The following MAML3 variants were observed in gnomAD, a reference collection of about 807,000 sequenced individuals.
MAML3 encodes the protein mastermind like transcriptional coactivator 3.
MAML3 carries 27 observed loss-of-function variants against 101.9 expected under a neutral mutation model. That is an observed-to-expected ratio of 0.27 (90% CI 0.20 to 0.37). The LOEUF (loss-of-function observed/expected upper bound fraction) is 0.37, where lower values mean the gene tolerates loss of function less well. Ranked by LOEUF, MAML3 falls within the 10% of genes least tolerant of loss-of-function variation. The pLI is 1.00. For missense variants in MAML3, 1,316 were observed against 1,444.9 expected (o/e 0.91, Z 1.45); for synonymous variants, 501 against 555.9 (o/e 0.90, Z 1.39).
At chr4:139,985,128 T>A (rs1255313407) in intron 1 of MAML3, among the ~76,000 whole-genome samples, 2 of 152,336 alleles carry the variant, frequency 1.3e-5, no homozygotes, top group South Asian at 2.1e-4. Context: ...TAGTAAGACA[T>A]CCTCAAAGAC....
chr4:139,976,359 G>A (rs1734339988), intron 1 of MAML3, among the ~76,000 whole-genome samples: 1 of 152,102 alleles, frequency 6.6e-6, no homozygotes. Context: ...TAAGCATCTT[G>A]GAAATGGAAA....
At chr4:140,106,026 T>C (rs994602804) in intron 1 of MAML3, among the ~76,000 whole-genome samples, 6 of 150,364 alleles carry the variant, frequency 4.0e-5, no homozygotes, top group African/African-American at 4.9e-5. Context: ...CACTCTGCAT[T>C]ATGCTATACA....
At chr4:140,149,615 C>T (rs1402500815) in intron 1 of MAML3, among the ~76,000 whole-genome samples, 1 of 152,154 alleles carries the variant, frequency 6.6e-6, no homozygotes, top group Non-Finnish European at 1.5e-5. Context: ...GTAAACAATA[C>T]CAATGAAACA....
At chr4:139,868,443 G>T (rs147767257) in intron 2 of MAML3, among the ~76,000 whole-genome samples, 207 of 152,266 alleles carry the variant, frequency 1.4e-3, no homozygotes, top group African/African-American at 4.6e-3. Flanking sequence ...CTCTTTGAAA[G>T]ATCATAACAT....
At chr4:139,982,204 T>C (rs1734456655) in intron 1 of MAML3, among the ~76,000 whole-genome samples, 1 of 152,258 alleles carries the variant, frequency 6.6e-6, no homozygotes, top group South Asian at 2.1e-4. Flanking sequence ...GATGTTTACT[T>C]TATACTTTCA....
chr4:139,942,456 A>G (rs1315449381), intron 1 of MAML3, among the ~76,000 whole-genome samples: 1 of 152,148 alleles, frequency 6.6e-6, no homozygotes, highest in Non-Finnish European at 1.5e-5. Context: ...CTCTGTGATT[A>G]ATGTGGACAT....
intron 1 of MAML3, among the ~76,000 whole-genome samples, chr4:140,133,644 T>C (rs1728833914): frequency 6.6e-6 from 1 of 152,220 alleles, no homozygotes; most frequent in African/African-American, 2.4e-5. Flanking sequence ...TATTTCCTAA[T>C]AGTCTGTAAA....
intron 1 of MAML3, among the ~76,000 whole-genome samples, chr4:140,145,664 C>T (rs140645079): frequency 0.014 from 2,169 of 152,188 alleles, 31 homozygotes; most frequent in Non-Finnish European, 0.02. Context: ...CACCCTGGTT[C>T]AAGCAATTCT....
At chr4:139,867,099 A>C (rs1405345088) in intron 2 of MAML3, among the ~76,000 whole-genome samples, 6 of 152,224 alleles carry the variant, frequency 3.9e-5, no homozygotes, top group Non-Finnish European at 7.3e-5. Context: ...TGTAAATGGA[A>C]TCCGATTTTA....
intron 1 of MAML3, among the ~76,000 whole-genome samples, chr4:140,077,051 TG>T: frequency 6.6e-6 from 1 of 151,958 alleles, no homozygotes. Context: ...CCACCACACC[TG>T]GCTAATTTTT....
At chr4:139,746,609 G>T (rs1729330418) in intron 2 of MAML3, among the ~76,000 whole-genome samples, 1 of 152,110 alleles carries the variant, frequency 6.6e-6, no homozygotes, top group South Asian at 2.1e-4. Context: ...CTCTCGCTCT[G>T]CGGGCCCCTC....
intron 2 of MAML3, among the ~76,000 whole-genome samples, chr4:139,867,222 A>G (rs1731913742): frequency 6.6e-6 from 1 of 152,194 alleles, no homozygotes; most frequent in Non-Finnish European, 1.5e-5. Context: ...TAAACCAGAA[A>G]ATCTTAACCC....
rs1728655717 is a variant in MAML3 at position 139,730,444 on chromosome 4, TGC to T, written c.2301_2302del (p.Gln768AlafsTer94). On this transcript the variant is annotated frameshift_variant, in exon 3 of 5. Coordinates refer to ENST00000509479, the MANE Select transcript of MAML3 (RefSeq NM_018717.5). LOFTEE classifies it high-confidence loss of function. ...TTCCGCCAAAATCTGCTGCTGCTGC[TGC>T]TGCTGCTGCTGCCTTTGCTCCCGCA... 3.9e-6 allele frequency: 6 copies of T among 1,551,436 alleles called. No homozygotes were observed. The Middle Eastern group carries it at 8.3e-4, about 215-fold the overall frequency.
intron 2 of MAML3, among the ~76,000 whole-genome samples, chr4:139,865,458 T>C (rs1578637453): frequency 6.6e-6 from 1 of 151,544 alleles, no homozygotes; most frequent in South Asian, 2.1e-4. Flanking sequence ...GTCCCTGAAT[T>C]ACAGAGCCCT....
intron 1 of MAML3, among the ~76,000 whole-genome samples, chr4:140,043,248 A>T (rs1727117416): frequency 6.6e-6 from 1 of 152,150 alleles, no homozygotes; most frequent in Non-Finnish European, 1.5e-5. Context: ...GGAGACACTT[A>T]GGTCTGCTAA....
chr4:139,948,506 G>A (rs950271874), intron 1 of MAML3, among the ~76,000 whole-genome samples: 1 of 152,170 alleles, frequency 6.6e-6, no homozygotes, highest in Non-Finnish European at 1.5e-5. Context: ...AATTCTCCAT[G>A]ACACTATTAA....
chr4:139,796,044 T>C (rs1468332705), intron 2 of MAML3, among the ~76,000 whole-genome samples: 1 of 152,220 alleles, frequency 6.6e-6, no homozygotes, highest in Non-Finnish European at 1.5e-5. Context: ...TAGTTTCTCT[T>C]GGGCAATGTG....
intron 1 of MAML3, among the ~76,000 whole-genome samples, chr4:140,090,718 T>C (rs1290200307): frequency 6.6e-6 from 1 of 152,210 alleles, no homozygotes; most frequent in Non-Finnish European, 1.5e-5. Context: ...CTGTGGCTAC[T>C]ACTACATGCT....
In MAML3 at chr4:140,046,712, A is replaced by T. The variant is rs183434674; in HGVS notation, c.468+106148T>A. Among the ~76,000 whole-genome samples, 65 of 152,238 alleles carry T rather than the reference A, an allele frequency of 4.3e-4. 1 individual carries two copies. The highest frequency in any genetic ancestry group is 1.5e-3 in the African/African-American group (61 of 41,532). ...GAAGACACAGCTCTGGGCCTGAATC[A>T]CTTAAGATAAAGTAGGGAGGATCCG... is the stretch of plus-strand genomic sequence containing the variant. On this transcript the variant is annotated intron_variant, in intron 1 of 4. Transcript: ENST00000509479.
Sources: gnomAD v4.1 joint callset for allele counts (sites outside exome capture counted in the v4.1 genomes callset) on GRCh38, gnomAD v4.1.1 for gene constraint, MANE v1.5 for transcripts, NCBI Gene and HGNC (gene_info 2026-07-23, HGNC 2026-07-21) for gene names.